Variants in CAPN13 observed in about 807,000 individuals in gnomAD.
CAPN13 encodes calpain 13.
CAPN13 carries 90 observed loss-of-function variants against 98.4 expected under a neutral mutation model. That is an observed-to-expected ratio of 0.92 (90% CI 0.77 to 1.09). The LOEUF is 1.09. CAPN13 is among the 50% of genes least tolerant of loss of function. The pLI, the probability that CAPN13 is intolerant of heterozygous loss-of-function variation, is 0.00. For synonymous variants in CAPN13, 330 were observed against 305.5 expected, an observed-to-expected ratio of 1.08 and a Z score of -0.84; for missense variants, 887 against 841.3, an observed-to-expected ratio of 1.05 and a Z score of -0.67.
intron 1 of CAPN13, among the ~76,000 whole-genome samples, chr2:30,801,703 G>C (rs1397567870): frequency 2.6e-5 from 4 of 151,432 alleles, no homozygotes; most frequent in Non-Finnish European, 4.4e-5. Flanking sequence ...CAAAGAGAAA[G>C]TCAAAGACTG....
At chr2:30,770,759 C>T (rs976512790) in intron 4 of CAPN13, among the ~76,000 whole-genome samples, 6 of 152,188 alleles carry the variant, frequency 3.9e-5, no homozygotes, top group Non-Finnish European at 7.3e-5. Context: ...GCTTCAGTGA[C>T]ACAAGTGAAA....
chr2:30,775,803 G>T, intron 4 of CAPN13, 127 bp downstream of exon 4: 2 of 488,118 alleles, frequency 4.1e-6, no homozygotes, highest in Non-Finnish European at 7.2e-6. Context: ...TGAAGGTAGG[G>T]AGGGTAACTA....
chr2:30,797,551 G>A (rs1345910736), intron 1 of CAPN13, among the ~76,000 whole-genome samples: 2 of 152,064 alleles, frequency 1.3e-5, no homozygotes, highest in East Asian at 3.8e-4. Flanking sequence ...TAATTGAGAA[G>A]ATTCTTGTAA....
rs188111185 is a variant in CAPN13 at position 30,741,531 on chromosome 2, C to G, written c.1536+377G>C. On this transcript the variant is annotated intron_variant, in intron 15 of 22. Coordinates refer to ENST00000295055, the MANE Select transcript of CAPN13 (RefSeq NM_144575.3). ...TGCTGTATGTGCTTTCTGAAGCTGGCTAGCTCCCGGGAGGAACGATGCCAG... is the reference window on the plus strand; with the variant it reads ...TGCTGTATGTGCTTTCTGAAGCTGGGTAGCTCCCGGGAGGAACGATGCCAG... 1.3e-4 allele frequency: 133 copies of G among 1,058,670 alleles called. No individual in the cohort carries two copies. In the African/African-American group the frequency reaches 2.0e-3, roughly 16 times the overall value. The allele number at this position is 1,058,670 out of a possible 1,614,324, so 65.6% of individuals were successfully genotyped here.
At chr2:30,743,704 A>G (rs1359874593) in intron 12 of CAPN13, 125 bp from the exon 13 acceptor site, 1 of 836,502 alleles carries the variant, frequency 1.2e-6, no homozygotes, top group Non-Finnish European at 2.0e-6. Context: ...CAGGCTCTAT[A>G]AATGGAGACA....
chr2:30,726,928 C>G (rs899226334), intron 22 of CAPN13, among the ~76,000 whole-genome samples: 1 of 152,118 alleles, frequency 6.6e-6, no homozygotes, highest in Non-Finnish European at 1.5e-5. Flanking sequence ...AAAACTCACA[C>G]TTCCTAATTT....
intron 1 of CAPN13, among the ~76,000 whole-genome samples, chr2:30,788,951 A>G (rs913604944): frequency 1.4e-4 from 21 of 152,228 alleles, no homozygotes; most frequent in African/African-American, 5.1e-4. Context: ...TAGGTCAAAA[A>G]TGGTTGAATA....
At chr2:30,739,296 T>C (rs1671536803) in intron 15 of CAPN13, among the ~76,000 whole-genome samples, 1 of 152,040 alleles carries the variant, frequency 6.6e-6, no homozygotes, top group Non-Finnish European at 1.5e-5. Context: ...CTGGAAAGAT[T>C]TATCAGCAGG....
chr2:30,800,663 T>C lies in CAPN13; in HGVS notation c.-33+6639A>G, dbSNP rs570667284. 5.9e-5 allele frequency among the ~76,000 whole-genome samples: 9 copies of C among 152,354 alleles called. No individual in the cohort carries two copies. The East Asian group carries it at 1.7e-3, about 29-fold the overall frequency. On this transcript the variant is annotated intron_variant, in intron 1 of 22. Coordinates refer to ENST00000295055, the MANE Select transcript of CAPN13 (RefSeq NM_144575.3). ...CTGGAACTGAGACAACAGGTTCTTATGTAGCCTCAATGATACTGTTAGACA... is the reference window on the plus strand; with the variant it reads ...CTGGAACTGAGACAACAGGTTCTTACGTAGCCTCAATGATACTGTTAGACA...
chr2:30,744,255 G>A (rs1395853202), intron 12 of CAPN13, among the ~76,000 whole-genome samples: 1 of 152,210 alleles, frequency 6.6e-6, no homozygotes, highest in Non-Finnish European at 1.5e-5. Context: ...GATTATTTAT[G>A]AGCTATGCCT....
At chr2:30,789,261 A>G (rs1484986402) in intron 1 of CAPN13, among the ~76,000 whole-genome samples, 1 of 152,228 alleles carries the variant, frequency 6.6e-6, no homozygotes, top group Admixed American at 6.5e-5. Context: ...TGTGAAAATC[A>G]TGGGTCTACC....
At chr2:30,780,159 G>A (rs1225403756) in intron 2 of CAPN13, among the ~76,000 whole-genome samples, 8 of 152,142 alleles carry the variant, frequency 5.3e-5, no homozygotes, top group East Asian at 3.9e-4. Flanking sequence ...ACCCGCATGC[G>A]CTGTAAAGGC....
At chr2:30,730,370 GACCATTTCT>G (rs936273425) in intron 22 of CAPN13, among the ~76,000 whole-genome samples, 1 of 151,940 alleles carries the variant, frequency 6.6e-6, no homozygotes, top group Non-Finnish European at 1.5e-5. Context: ...CCTAAGGCCT[GACCATTTCT>G]ACCATTTCTG....
chr2:30,736,847 G>C (rs1015152273), intron 17 of CAPN13, among the ~76,000 whole-genome samples: 1 of 152,216 alleles, frequency 6.6e-6, no homozygotes, highest in African/African-American at 2.4e-5. Context: ...TCTAGAACAC[G>C]GCCTTCACCA....
intron 7 of CAPN13, among the ~76,000 whole-genome samples, chr2:30,762,174 A>C (rs1672881635): frequency 6.6e-6 from 1 of 152,206 alleles, no homozygotes. Context: ...CTCAGATGCT[A>C]TCTATCTAAC....
chr2:30,790,724 T>C (rs1172320992), intron 1 of CAPN13, among the ~76,000 whole-genome samples: 4 of 152,232 alleles, frequency 2.6e-5, no homozygotes, highest in African/African-American at 9.6e-5. Context: ...AGTCAGACCT[T>C]GGTGATGACC....
chr2:30,777,505 G>C, intron 3 of CAPN13, 62 bp downstream of exon 3: 1 of 1,436,940 alleles, frequency 7.0e-7, no homozygotes, highest in Non-Finnish European at 9.6e-7. Context: ...GGACTCTGTG[G>C]GTAAGCACCA....
At chr2:30,770,582 GC>G in intron 4 of CAPN13, 133 bp from the exon 5 acceptor site, 2 of 1,116,342 alleles carry the variant, frequency 1.8e-6, no homozygotes, top group Non-Finnish European at 2.5e-6. Flanking sequence ...CAAAATCCCA[GC>G]CCAGGTTGCC....
intron 4 of CAPN13, among the ~76,000 whole-genome samples, chr2:30,774,415 A>G (rs898277422): frequency 6.6e-6 from 1 of 152,190 alleles, no homozygotes; most frequent in African/African-American, 2.4e-5. Context: ...GATCGACTGG[A>G]TAAAGAAAAG....
Sources: allele counts gnomAD v4.1 joint callset (sites outside exome capture counted in the v4.1 genomes callset), GRCh38; gene constraint gnomAD v4.1.1; transcripts MANE v1.5; gene names NCBI Gene and HGNC (gene_info 2026-07-23, HGNC 2026-07-21).